CCDC134: variants seen among roughly 807,000 people sequenced by gnomAD.
CCDC134 encodes coiled-coil domain containing 134.
Under a neutral mutation model 25.6 loss-of-function variants are expected in CCDC134, and 27 were observed. The observed-to-expected ratio is 1.05, with a 90% CI of 0.78 to 1.45. CCDC134 has a LOEUF of 1.45. Ranked by LOEUF, CCDC134 falls within the 40% of genes most tolerant of loss-of-function variation. CCDC134 has a pLI of 0.00. For synonymous variants in CCDC134, 110 were observed against 115.0 expected, an observed-to-expected ratio of 0.96 and a Z score of 0.28; for missense variants, 261 against 286.7, an observed-to-expected ratio of 0.91 and a Z score of 0.65.
intron 4 of CCDC134, among the ~76,000 whole-genome samples, chr22:41,811,424 A>G (rs959946075): frequency 6.6e-6 from 1 of 152,068 alleles, no homozygotes; most frequent in African/African-American, 2.4e-5. Context: ...TTGTACAGAA[A>G]CTATTCTTTT....
intron 2 of CCDC134, 29 bp downstream of exon 2, chr22:41,809,022 T>A (rs1166242526): frequency 6.4e-7 from 1 of 1,557,752 alleles, no homozygotes; most frequent in East Asian, 2.2e-5. Context: ...GTTAATGAGC[T>A]GTCTTTGAGA....
rs1366062368 is a variant in CCDC134 at position 41,813,409 on chromosome 22, C to T, written c.456C>T (p.Val152=). 6.2e-7 allele frequency: 1 copy of T among 1,614,226 alleles called. No homozygotes were observed. ...TCAGTTTCTGCAACCAGACAGGCGT[C>T]TTCAACCAGGGGCCCCACTCGCCCA... is the stretch of plus-strand genomic sequence containing the variant. ...WGISFCNQTG[V]FNQGPHSPIL... The change falls in exon 5 of 7, where the codon GTC becomes GTT. Residue 152 remains valine, a synonymous_variant. Coordinates refer to ENST00000255784, the MANE Select transcript of CCDC134 (RefSeq NM_024821.5).
At chr22:41,809,853 C>A (rs199914503) in intron 2 of CCDC134, 26 bp from the exon 3 acceptor site, 1 of 1,613,688 alleles carries the variant, frequency 6.2e-7, no homozygotes, top group Non-Finnish European at 8.5e-7. Context: ...CTATTGATGC[C>A]AGCCCCTTAA....
At chr22:41,812,512 T>G (rs554214190) in intron 4 of CCDC134, among the ~76,000 whole-genome samples, 82 of 151,892 alleles carry the variant, frequency 5.4e-4, no homozygotes, top group African/African-American at 2.0e-3. Flanking sequence ...CCAAGATAAT[T>G]TCAGGCCGAG....
In CCDC134 at chr22:41,831,905, C is replaced by G. The variant is rs1398801477; in HGVS notation, c.*6082C>G. On this transcript the variant is annotated 3_prime_UTR_variant, in exon 7 of 7. Transcript: ENST00000255784. ...ATTGTCAATTGAATGTGCAAATAATCTCACTTAACCACAGCTATGAGGGAT... is the reference window on the plus strand; with the variant it reads ...ATTGTCAATTGAATGTGCAAATAATGTCACTTAACCACAGCTATGAGGGAT... 6.6e-6 allele frequency: 1 copy of G among 152,150 alleles called. No homozygotes were observed. The highest frequency in any genetic ancestry group is 1.5e-5 in the Non-Finnish European group (1 of 68,026). 9.4% of individuals were successfully genotyped at this position (152,150 alleles called of 1,614,324 possible). A position where few individuals can be genotyped will look rare whatever the true frequency, so the allele number is the denominator to read the frequency against.
At chr22:41,812,024 A>C (rs1472157566) in intron 4 of CCDC134, among the ~76,000 whole-genome samples, 1 of 152,208 alleles carries the variant, frequency 6.6e-6, no homozygotes, top group African/African-American at 2.4e-5. Context: ...GTAGAAGCAC[A>C]TTAGTAGGAA....
intron 6 of CCDC134, among the ~76,000 whole-genome samples, chr22:41,823,849 C>T (rs1366685286): frequency 2.0e-5 from 3 of 152,186 alleles, no homozygotes; most frequent in African/African-American, 4.8e-5. Flanking sequence ...CACCAGAACA[C>T]GGGGAGAATG....
chr22:41,817,335 C>T (rs1602242188), intron 6 of CCDC134, among the ~76,000 whole-genome samples: 1 of 152,274 alleles, frequency 6.6e-6, no homozygotes, highest in East Asian at 1.9e-4. Context: ...TCCATTTGGT[C>T]TTTTCAGAGA....
intron 6 of CCDC134, among the ~76,000 whole-genome samples, chr22:41,816,770 T>C (rs1369534955): frequency 1.3e-5 from 2 of 151,976 alleles, no homozygotes; most frequent in Non-Finnish European, 2.9e-5. Context: ...ATACAAAAAT[T>C]ATCCGGGTGT....
chr22:41,801,525 T>C (rs1375824273), intron 1 of CCDC134, among the ~76,000 whole-genome samples: 2 of 152,298 alleles, frequency 1.3e-5, no homozygotes, highest in East Asian at 3.9e-4. Context: ...GGCAGTCACC[T>C]CATTTTTCTG....
intron 5 of CCDC134, 135 bp from the exon 6 acceptor site, chr22:41,813,616 C>A: frequency 2.5e-6 from 3 of 1,204,646 alleles, no homozygotes; most frequent in Non-Finnish European, 2.4e-6. Context: ...CTGTGCTGAC[C>A]CAGTTCCCAT....
In CCDC134 at chr22:41,805,356, T is replaced by C. The variant is rs563207544; in HGVS notation, c.-16-3519T>C. Among the ~76,000 whole-genome samples, 6 of 152,240 alleles carry C rather than the reference T, an allele frequency of 3.9e-5. No individual in the cohort carries two copies. In the East Asian group the frequency reaches 5.8e-4, roughly 15 times the overall value. ...CTGAGGAAGGAGAATTGATTGAGCCTGGGAGGTCAAGGCTACAGTGAGCCA... is the reference window on the plus strand; with the variant it reads ...CTGAGGAAGGAGAATTGATTGAGCCCGGGAGGTCAAGGCTACAGTGAGCCA... On this transcript the variant is annotated intron_variant, in intron 1 of 6. Coordinates refer to ENST00000255784, the MANE Select transcript of CCDC134 (RefSeq NM_024821.5).
intron 6 of CCDC134, among the ~76,000 whole-genome samples, chr22:41,817,730 T>TTAAATAAATAAA (rs139570): frequency 1.0e-3 from 142 of 141,772 alleles, no homozygotes; most frequent in African/African-American, 1.9e-3. Flanking sequence ...AGACTCTGTC[T>TTAAATAAATAAA]TAAATAAATA....
intron 6 of CCDC134, among the ~76,000 whole-genome samples, chr22:41,814,573 A>T (rs990323538): frequency 6.6e-6 from 1 of 152,040 alleles, no homozygotes; most frequent in African/African-American, 2.4e-5. Context: ...GTATCAAAAA[A>T]AAAAAAGGGG....
At position 41,827,011 on chromosome 22, in the gene CCDC134, C is replaced by T. The variant is rs1427887221; in HGVS notation, c.*1188C>T. Among the ~76,000 whole-genome samples the T allele has an allele frequency of 6.6e-6, 1 of 152,244 alleles. No individual in the cohort carries two copies. The highest frequency in any genetic ancestry group is 1.9e-4 in the East Asian group (1 of 5,200). ...GCTGACTGGCCTTGGCCCACCCCTC[C>T]CTGTGCTGCAGCTTCATTGGCAAAA... On this transcript the variant is annotated 3_prime_UTR_variant, in exon 7 of 7. Coordinates refer to ENST00000255784, the MANE Select transcript of CCDC134 (RefSeq NM_024821.5).
At chr22:41,805,357 G>T (rs568664825) in intron 1 of CCDC134, among the ~76,000 whole-genome samples, 35 of 152,234 alleles carry the variant, frequency 2.3e-4, no homozygotes, top group South Asian at 4.2e-4. Flanking sequence ...GATTGAGCCT[G>T]GGAGGTCAAG....
rs1430862322 is a variant in CCDC134 at position 41,829,231 on chromosome 22, C to T, written c.*3408C>T. On this transcript the variant is annotated 3_prime_UTR_variant, in exon 7 of 7. Coordinates refer to ENST00000255784, the MANE Select transcript of CCDC134 (RefSeq NM_024821.5). The stretch of plus-strand genomic sequence containing the variant: ...TCCTCCCCTTCCCCATCACTGTCCT[C>T]AGAGAGATGCTGTTGACAGCTCCTT... Among the ~76,000 whole-genome samples the T allele has an allele frequency of 1.3e-5, 2 of 152,206 alleles. No individual in the cohort carries two copies. The highest frequency in any genetic ancestry group is 2.9e-5 in the Non-Finnish European group (2 of 68,040).
At chr22:41,816,004 G>T (rs566763887) in intron 6 of CCDC134, among the ~76,000 whole-genome samples, 1 of 152,232 alleles carries the variant, frequency 6.6e-6, no homozygotes, top group East Asian at 1.9e-4. Context: ...GAAGGTCCTG[G>T]AGGACCAGTA....
At chr22:41,820,318 A>T (rs1269321134) in intron 6 of CCDC134, among the ~76,000 whole-genome samples, 1 of 151,326 alleles carries the variant, frequency 6.6e-6, no homozygotes, top group African/African-American at 2.4e-5. Flanking sequence ...TATATTTTTA[A>T]GACAGATTTT....
Sources: gnomAD v4.1 joint callset for allele counts (sites outside exome capture counted in the v4.1 genomes callset) on GRCh38, gnomAD v4.1.1 for gene constraint, MANE v1.5 for transcripts, NCBI Gene and HGNC (gene_info 2026-07-23, HGNC 2026-07-21) for gene names.